COL26A1: variants seen among roughly 807,000 people sequenced by gnomAD.
COL26A1 encodes collagen type XXVI alpha 1 chain.
A neutral mutation model predicts 59.3 loss-of-function variants in COL26A1; 41 were observed. That is an observed-to-expected ratio of 0.69 (90% CI 0.54 to 0.90). The LOEUF is 0.90. COL26A1 is among the 40% of genes least tolerant of loss of function. COL26A1 has a pLI of 0.00. For missense variants in COL26A1, 612 were observed against 602.3 expected (o/e 1.02, Z -0.17); for synonymous variants, 266 against 256.0 (o/e 1.04, Z -0.37).
chr7:101,471,836 TC>T (rs1793913286), intron 3 of COL26A1, among the ~76,000 whole-genome samples: 1 of 152,100 alleles, frequency 6.6e-6, no homozygotes, highest in Non-Finnish European at 1.5e-5. Context: ...CACCTTGGCC[TC>T]CCAAAGTGCT....
chr7:101,426,559 C>T (rs1438047428), intron 2 of COL26A1, among the ~76,000 whole-genome samples: 1 of 152,138 alleles, frequency 6.6e-6, no homozygotes, highest in Non-Finnish European at 1.5e-5. Flanking sequence ...ACAGTTTTCT[C>T]CTATCAGAGA....
intron 3 of COL26A1, among the ~76,000 whole-genome samples, chr7:101,507,581 C>G (rs1443403922): frequency 6.6e-6 from 1 of 152,068 alleles, no homozygotes; most frequent in Non-Finnish European, 1.5e-5. Flanking sequence ...GCCACCATGC[C>G]TAATTTTTAG....
rs1485332913 is a variant in COL26A1 at position 101,471,567 on chromosome 7, G to GTTGT, written c.385+23782_385+23783insGTTT. ...ATAATGTTTTGTTGTTGTTGTTGTT[G>GTTGT]TTTGTTTTTTTTTTTTTTTTTTTTT... On this transcript the variant is annotated intron_variant, in intron 3 of 12. Transcript: ENST00000313669. Among the ~76,000 whole-genome samples, 268 of 112,382 alleles carry GTTGT rather than the reference G, an allele frequency of 2.4e-3. 4 individuals carry two copies. The highest frequency in any genetic ancestry group is 8.8e-3 in the African/African-American group (251 of 28,408). 73.7% of individuals were successfully genotyped at this position (112,382 alleles called of 152,430 possible).
intron 1 of COL26A1, among the ~76,000 whole-genome samples, chr7:101,394,572 A>AT (rs1562960732): frequency 7.7e-6 from 1 of 130,700 alleles, no homozygotes; most frequent in African/African-American, 2.9e-5. Flanking sequence ...ACGCCTAGCT[A>AT]TTTTTTTCTT....
intron 3 of COL26A1, among the ~76,000 whole-genome samples, chr7:101,483,361 C>T (rs1794196330): frequency 6.6e-6 from 1 of 151,706 alleles, no homozygotes; most frequent in South Asian, 2.1e-4. Flanking sequence ...CCGTACTCGG[C>T]TAATTTTTGT....
In COL26A1 at chr7:101,513,824, G is replaced by A. The variant is rs575358343; in HGVS notation, c.386-19258G>A. 5.9e-5 allele frequency among the ~76,000 whole-genome samples: 9 copies of A among 152,312 alleles called. No individual in the cohort carries two copies. The South Asian group carries it at 1.9e-3, about 32-fold the overall frequency. ...ACAGCACAAACACATGCTACAGATT[G>A]GGAGGAGATATTCGCAAAGCATGAA... On this transcript the variant is annotated intron_variant, in intron 3 of 12. Coordinates refer to ENST00000313669, the MANE Select transcript of COL26A1 (RefSeq NM_001278563.3).
chr7:101,551,743 CTCA>C (rs1562802767), intron 10 of COL26A1, among the ~76,000 whole-genome samples: 1 of 132,124 alleles, frequency 7.6e-6, no homozygotes, highest in Non-Finnish European at 1.6e-5. Context: ...GAGACTCCAT[CTCA>C]AAAAAAAAAA....
At chr7:101,365,867 A>C (rs1186887363) in intron 1 of COL26A1, among the ~76,000 whole-genome samples, 1 of 152,198 alleles carries the variant, frequency 6.6e-6, no homozygotes, top group Non-Finnish European at 1.5e-5. Context: ...GCAAAAAAGC[A>C]AGAGGTGAGG....
intron 2 of COL26A1, among the ~76,000 whole-genome samples, chr7:101,422,662 A>G (rs2130287222): frequency 6.6e-6 from 1 of 151,392 alleles, no homozygotes; most frequent in African/African-American, 2.4e-5. Context: ...TTTTTTTTGG[A>G]GACAGGATCT....
intron 11 of COL26A1, 34 bp downstream of exon 11, chr7:101,553,410 C>T: frequency 6.2e-7 from 1 of 1,605,430 alleles, no homozygotes; most frequent in Non-Finnish European, 8.5e-7. Flanking sequence ...TCCCTCCCGC[C>T]TCCTTGGCTG....
chr7:101,548,561 A>C (rs895820206), intron 8 of COL26A1, among the ~76,000 whole-genome samples: 11 of 152,074 alleles, frequency 7.2e-5, no homozygotes, highest in Admixed American at 6.5e-4. Flanking sequence ...GACTGGTAGG[A>C]AAACCAGTAG....
intron 2 of COL26A1, among the ~76,000 whole-genome samples, chr7:101,436,871 A>G (rs1287249632): frequency 6.6e-6 from 1 of 152,066 alleles, no homozygotes; most frequent in Non-Finnish European, 1.5e-5. Context: ...GTGCACAACC[A>G]TGCCTGGCTA....
chr7:101,503,119 T>C (rs534248256), intron 3 of COL26A1, among the ~76,000 whole-genome samples: 1 of 152,146 alleles, frequency 6.6e-6, no homozygotes, highest in Admixed American at 6.5e-5. Flanking sequence ...TTTGTTGTGA[T>C]TTCTTCTCTC....
intron 2 of COL26A1, among the ~76,000 whole-genome samples, chr7:101,431,949 G>C (rs1792790188): frequency 6.8e-6 from 1 of 147,990 alleles, no homozygotes; most frequent in South Asian, 2.1e-4. Flanking sequence ...ACACCACCAT[G>C]CTTGGCTAAT....
At chr7:101,524,415 GCT>G (rs1479136323) in intron 3 of COL26A1, among the ~76,000 whole-genome samples, 1 of 152,178 alleles carries the variant, frequency 6.6e-6, no homozygotes, top group Non-Finnish European at 1.5e-5. Flanking sequence ...GCCAGAAAAT[GCT>G]CTGTTGTTTC....
At chr7:101,492,569 C>A (rs988242461) in intron 3 of COL26A1, among the ~76,000 whole-genome samples, 2 of 151,088 alleles carry the variant, frequency 1.3e-5, no homozygotes, top group Non-Finnish European at 3.0e-5. Flanking sequence ...TGGTGGTGGG[C>A]GCCTGTAATC....
chr7:101,378,550 C>G (rs1279697300), intron 1 of COL26A1, among the ~76,000 whole-genome samples: 1 of 151,940 alleles, frequency 6.6e-6, no homozygotes, highest in Non-Finnish European at 1.5e-5. Context: ...TTTGTACAGA[C>G]AGTGTTTCCC....
intron 3 of COL26A1, among the ~76,000 whole-genome samples, chr7:101,501,765 A>T (rs1405441552): frequency 6.6e-6 from 1 of 152,102 alleles, no homozygotes; most frequent in Non-Finnish European, 1.5e-5. Flanking sequence ...TGTGTGTGTG[A>T]GTGTGCGCCA....
At chr7:101,445,568 A>G (rs943845332) in intron 2 of COL26A1, among the ~76,000 whole-genome samples, 2 of 25,268 alleles carry the variant, frequency 7.9e-5, no homozygotes, top group African/African-American at 1.1e-3. Flanking sequence ...CGTCTCTGCT[A>G]AAAATACAAA....
Sources: allele counts gnomAD v4.1 joint callset (sites outside exome capture counted in the v4.1 genomes callset), GRCh38; gene constraint gnomAD v4.1.1; transcripts MANE v1.5; gene names NCBI Gene and HGNC (gene_info 2026-07-23, HGNC 2026-07-21).